The following PLA2G12A variants were observed in gnomAD, a reference collection of about 807,000 sequenced individuals.
PLA2G12A encodes group XIIA secretory phospholipase A2.
PLA2G12A carries 11 observed loss-of-function variants against 16.0 expected under a neutral mutation model. The observed-to-expected ratio is 0.69, with a 90% confidence interval of 0.43 to 1.13. The LOEUF (loss-of-function observed/expected upper bound fraction) is 1.13, where lower values mean the gene tolerates loss of function less well. Among genes scored for constraint, PLA2G12A ranks in the 50% most tolerant of loss-of-function variants. The pLI is 0.00. For missense variants in PLA2G12A, 214 were observed against 237.3 expected, an observed-to-expected ratio of 0.90 and a Z score of 0.65; for synonymous variants, 77 against 93.8, an observed-to-expected ratio of 0.82 and a Z score of 1.03.
intron 2 of PLA2G12A, among the ~76,000 whole-genome samples, chr4:109,718,050 C>T (rs890385210): frequency 6.6e-6 from 1 of 152,172 alleles, no homozygotes; most frequent in Non-Finnish European, 1.5e-5. Context: ...TAAAGATTCT[C>T]CAGGGGCTAG....
chr4:109,717,008 A>C (rs1730838871), intron 3 of PLA2G12A, among the ~76,000 whole-genome samples: 1 of 152,206 alleles, frequency 6.6e-6, no homozygotes, highest in Admixed American at 6.6e-5. Context: ...TGCTCTTATA[A>C]AAGAGGCCCC....
intron 1 of PLA2G12A, among the ~76,000 whole-genome samples, chr4:109,724,762 A>T (rs1358311644): frequency 1.3e-5 from 2 of 152,226 alleles, no homozygotes; most frequent in East Asian, 3.8e-4. Context: ...GAATGGAGGT[A>T]CAAGGAAGTA....
At chr4:109,718,816 T>C (rs1309827131) in intron 1 of PLA2G12A, 57 bp from the exon 2 acceptor site, 64 of 1,230,040 alleles carry the variant, frequency 5.2e-5, no homozygotes, top group Non-Finnish European at 7.3e-5. Flanking sequence ...GTAAAATACA[T>C]ACTCAAAAAG....
intron 2 of PLA2G12A, 24 bp downstream of exon 2, chr4:109,718,659 T>G: frequency 1.3e-6 from 2 of 1,524,788 alleles, no homozygotes; most frequent in Non-Finnish European, 1.8e-6. Context: ...TTACAAAACT[T>G]ATCAAATAAA....
rs1722940937 is a variant in PLA2G12A at position 109,726,514 on chromosome 4, T to C, written c.208+3088A>G. 3.9e-5 allele frequency among the ~76,000 whole-genome samples: 6 copies of C among 152,320 alleles called. No individual in the cohort carries two copies. In the South Asian group the frequency reaches 1.2e-3, roughly 32 times the overall value. On this transcript the variant is annotated intron_variant, in intron 1 of 3. Transcript: ENST00000243501. ...AACCTGAGCAAAATCACCCGTCTTT[T>C]GTCTGGACTCCTGCATGCGTCACCC...
chr4:109,714,875 C>T (rs1010832210), intron 3 of PLA2G12A, among the ~76,000 whole-genome samples: 30 of 151,878 alleles, frequency 2.0e-4, no homozygotes, highest in Admixed American at 1.8e-3. Flanking sequence ...GCTGGCATTA[C>T]CATGGCCAGC....
rs1401430828 is a variant in PLA2G12A at position 109,712,121 on chromosome 4, CATTA to C, written c.*2252_*2255del. On this transcript the variant is annotated 3_prime_UTR_variant, in exon 4 of 4. Transcript: ENST00000243501. Reference sequence around the variant, plus strand: ...ATTGGATCCTGGAAAAGAAAAATGACATTAATTAAAAAACTAGTACAATCTGAAA... The same window carrying C: ...ATTGGATCCTGGAAAAGAAAAATGACATTAAAAAACTAGTACAATCTGAAA... 3 of 152,194 alleles carry C rather than the reference CATTA, an allele frequency of 2.0e-5. No homozygotes were observed. The highest frequency in any genetic ancestry group is 4.4e-5 in the Non-Finnish European group (3 of 68,038). The allele number at this position is 152,194 out of a possible 1,614,324, so 9.4% of individuals were successfully genotyped here.
At position 109,729,747 on chromosome 4, in the gene PLA2G12A, C is replaced by T. The variant is rs1183942212; in HGVS notation, c.63G>A (p.Arg21=). 2.5e-5 allele frequency: 39 copies of T among 1,590,662 alleles called. No individual in the cohort carries two copies. The highest frequency in any genetic ancestry group is 3.2e-5 in the Non-Finnish European group (37 of 1,169,602). ...CGGTGGTCTGGGCCTGCTCCTGGCACCTGACAACAGCGGCCATGAGGAGGA... is the reference window on the plus strand; with the variant it reads ...CGGTGGTCTGGGCCTGCTCCTGGCATCTGACAACAGCGGCCATGAGGAGGA... ...LLLLLMAAVV[R]CQEQAQTTDW... is the part of the protein sequence containing the mutation. The change falls in exon 1 of 4, where the codon AGG becomes AGA. Residue 21 remains arginine, a synonymous_variant. Coordinates refer to ENST00000243501, the MANE Select transcript of PLA2G12A (RefSeq NM_030821.5).
intron 1 of PLA2G12A, among the ~76,000 whole-genome samples, chr4:109,725,721 TCC>T (rs1331984722): frequency 6.6e-6 from 1 of 152,238 alleles, no homozygotes; most frequent in African/African-American, 2.4e-5. Flanking sequence ...TTGATTATTT[TCC>T]ATGTATTTTT....
chr4:109,717,153 A>G (rs1290478702), intron 3 of PLA2G12A, among the ~76,000 whole-genome samples: 1 of 152,194 alleles, frequency 6.6e-6, no homozygotes, highest in Non-Finnish European at 1.5e-5. Flanking sequence ...CCAGAACTGT[A>G]GGAAATAACT....
At chr4:109,723,530 G>T (rs929436235) in intron 1 of PLA2G12A, among the ~76,000 whole-genome samples, 1 of 152,162 alleles carries the variant, frequency 6.6e-6, no homozygotes, top group African/African-American at 2.4e-5. Context: ...TCTCACAGGA[G>T]TATCATGAGA....
rs187007699 is a variant in PLA2G12A, at chr4:109,727,378, T to C, written c.208+2224A>G. On this transcript the variant is annotated intron_variant, in intron 1 of 3. Coordinates refer to ENST00000243501, the MANE Select transcript of PLA2G12A (RefSeq NM_030821.5). ...CGCCCGCCTCAGCCTCCCAAAGTGC[T>C]GGGATTACAGGCATGAGCCATTACG... Among the ~76,000 whole-genome samples the C allele has an allele frequency of 5.0e-3, 759 of 152,230 alleles. 4 individuals carry two copies. Among genetic ancestry groups the C allele is most frequent in the African/African-American group, 0.018 (730 of 41,542 alleles).
At position 109,729,764 on chromosome 4, in the gene PLA2G12A, TGAG is replaced by T. The variant is rs1454369097; in HGVS notation, c.43_45del (p.Leu15del). The T allele has an allele frequency of 2.5e-6, 4 of 1,575,534 alleles. No homozygotes were observed. The highest frequency in any genetic ancestry group is 3.4e-6 in the Non-Finnish European group (4 of 1,161,394). ...TCCTGGCACCTGACAACAGCGGCCA[TGAG>T]GAGGAGCAGGAGGGTGAGCGCGGGG... On this transcript the variant is annotated inframe_deletion, in exon 1 of 4. Transcript: ENST00000243501.
At position 109,729,743 on chromosome 4, in the gene PLA2G12A, G is replaced by T; in HGVS notation, c.67C>A (p.Gln23Lys). The change falls in exon 1 of 4, where the codon CAG (glutamine) becomes AAG (lysine). Residue 23 changes from glutamine to lysine, a missense_variant. By Grantham distance (53) the Gln-to-Lys change is moderately conservative. Coordinates refer to ENST00000243501, the MANE Select transcript of PLA2G12A (RefSeq NM_030821.5). ...LLLMAAVVRC[Q>K]EQAQTTDWRA... Reference sequence around the variant, plus strand: ...CAGTCGGTGGTCTGGGCCTGCTCCTGGCACCTGACAACAGCGGCCATGAGG... The same window carrying T: ...CAGTCGGTGGTCTGGGCCTGCTCCTTGCACCTGACAACAGCGGCCATGAGG... 1 of 1,594,042 alleles carries T rather than the reference G, an allele frequency of 6.3e-7. No individual in the cohort carries two copies. The highest frequency in any genetic ancestry group is 8.5e-7 in the Non-Finnish European group (1 of 1,171,274).
chr4:109,714,842 C>T (rs960391667), intron 3 of PLA2G12A, among the ~76,000 whole-genome samples: 3 of 151,608 alleles, frequency 2.0e-5, no homozygotes, highest in Admixed American at 1.3e-4. Flanking sequence ...TAAAGTAATC[C>T]TTCCACCTCA....
intron 1 of PLA2G12A, among the ~76,000 whole-genome samples, chr4:109,725,408 A>G (rs1010776187): frequency 6.6e-6 from 1 of 152,252 alleles, no homozygotes. Flanking sequence ...ATTTTGTTAT[A>G]GTTTTATAAA....
chr4:109,720,607 ATATATATATATATAT>A (rs1730920113), intron 1 of PLA2G12A, among the ~76,000 whole-genome samples: 6 of 14,534 alleles, frequency 4.1e-4, no homozygotes, highest in African/African-American at 1.7e-3. Flanking sequence ...AAAAAAAAAT[ATATATATATATATAT>A]ATATATATAT....
In PLA2G12A at chr4:109,713,783, C is replaced by A. The variant is rs147324082; in HGVS notation, c.*594G>T. 2.0e-4 allele frequency: 30 copies of A among 152,404 alleles called. No homozygotes were observed. The highest frequency in any genetic ancestry group is 7.0e-4 in the African/African-American group (29 of 41,516). The allele number at this position is 152,404 out of a possible 1,614,324, so 9.4% of individuals were successfully genotyped here. A position where few individuals can be genotyped will look rare whatever the true frequency, so the allele number is the denominator to read the frequency against. ...AATTTTACAACTGGAAAAATGGAAACCTTGTCCTTGTAAGTAGTCCTAATA... is the reference window on the plus strand; with the variant it reads ...AATTTTACAACTGGAAAAATGGAAAACTTGTCCTTGTAAGTAGTCCTAATA... On this transcript the variant is annotated 3_prime_UTR_variant, in exon 4 of 4. Transcript: ENST00000243501.
rs1255533971 is a variant in PLA2G12A, at chr4:109,710,968, G to A, written c.*3409C>T. On this transcript the variant is annotated 3_prime_UTR_variant, in exon 4 of 4. Coordinates refer to ENST00000243501, the MANE Select transcript of PLA2G12A (RefSeq NM_030821.5). The stretch of plus-strand genomic sequence containing the variant: ...AAGAACTATGTCAAAAGATTTTAAA[G>A]AGACAGGCATCATTTGAAGGCAGTA... 1 of 150,596 alleles carries A rather than the reference G, an allele frequency of 6.6e-6. No individual in the cohort carries two copies. Among genetic ancestry groups the A allele is most frequent in the Non-Finnish European group, 1.5e-5 (1 of 67,870 alleles). 9.3% of individuals were successfully genotyped at this position (150,596 alleles called of 1,614,324 possible).
Sources: gnomAD v4.1 joint callset for allele counts (sites outside exome capture counted in the v4.1 genomes callset) on GRCh38, gnomAD v4.1.1 for gene constraint, MANE v1.5 for transcripts, NCBI Gene and HGNC (gene_info 2026-07-23, HGNC 2026-07-21) for gene names.